Variants in NCAN observed in about 807,000 individuals in gnomAD.
The protein encoded by NCAN is neurocan.
A neutral mutation model predicts 121.8 loss-of-function variants in NCAN; 47 were observed. The observed-to-expected ratio is 0.39, with a 90% CI of 0.31 to 0.49. The LOEUF (loss-of-function observed/expected upper bound fraction) is 0.49. Among genes scored for constraint, NCAN ranks in the 20% least tolerant of loss-of-function variants. The pLI, the probability that NCAN is intolerant of heterozygous loss-of-function variation, is 0.92. For synonymous variants in NCAN, 633 were observed against 702.0 expected (o/e 0.90, Z 1.55); for missense variants, 1,517 against 1,773.4 (o/e 0.86, Z 2.60).
chr19:19,237,969 G>A (rs1252511634), intron 10 of NCAN, among the ~76,000 whole-genome samples: 1 of 152,236 alleles, frequency 6.6e-6, no homozygotes, highest in Non-Finnish European at 1.5e-5. Flanking sequence ...CTTGAGTATG[G>A]GAGGCGGAGG....
At chr19:19,235,123 C>A in intron 10 of NCAN, 27 bp downstream of exon 10, 1 of 1,538,010 alleles carries the variant, frequency 6.5e-7, no homozygotes. Flanking sequence ...ACACCAGAAA[C>A]AGTACCAAGA....
At chr19:19,248,633 A>G (rs1184246277) in intron 13 of NCAN, 67 bp from the exon 14 acceptor site, 48 of 1,506,368 alleles carry the variant, frequency 3.2e-5, no homozygotes, top group Non-Finnish European at 4.3e-5. Context: ...TCAAACAACA[A>G]CAACAACAAC....
intron 13 of NCAN, among the ~76,000 whole-genome samples, chr19:19,248,355 G>T (rs897854129): frequency 3.3e-5 from 5 of 151,930 alleles, no homozygotes; most frequent in Admixed American, 1.3e-4. Context: ...TGAGGCAGGA[G>T]AATCACTTGA....
At chr19:19,241,957 G>GT (rs2060904805) in intron 12 of NCAN, among the ~76,000 whole-genome samples, 1 of 152,070 alleles carries the variant, frequency 6.6e-6, no homozygotes, top group South Asian at 2.1e-4. Flanking sequence ...CACTTTGGAA[G>GT]GCCGAGGCAG....
rs148294163 is a variant in NCAN, at chr19:19,249,961, C to T, written c.*50C>T. 205 of 1,560,388 alleles carry T rather than the reference C, an allele frequency of 1.3e-4. No homozygotes were observed. The African/African-American group carries it at 2.2e-3, about 16-fold the overall frequency. ...CACCTTTCCCATGCCTCCTCTGGAG[C>T]CTTCGCCTGGGGAGACAGAACCCAG... On this transcript the variant is annotated 3_prime_UTR_variant, in exon 15 of 15. Coordinates refer to ENST00000252575, the MANE Select transcript of NCAN (RefSeq NM_004386.3).
chr19:19,213,895 T>G (rs2060785845), intron 1 of NCAN, among the ~76,000 whole-genome samples: 1 of 152,176 alleles, frequency 6.6e-6, no homozygotes, highest in Non-Finnish European at 1.5e-5. Context: ...TAATACACCC[T>G]GACTCTCAGG....
At chr19:19,214,384 G>C (rs1176167838) in intron 1 of NCAN, among the ~76,000 whole-genome samples, 1 of 152,178 alleles carries the variant, frequency 6.6e-6, no homozygotes, top group African/African-American at 2.4e-5. Context: ...CTGGGGAGGA[G>C]GTATTTTAAG....
rs960427202 is a variant in NCAN at position 19,212,520 on chromosome 19, C to T, written c.-8+456C>T. Among the ~76,000 whole-genome samples, 3 of 151,234 alleles carry T rather than the reference C, an allele frequency of 2.0e-5. No individual in the cohort carries two copies. The highest frequency in any genetic ancestry group is 2.0e-4 in the Admixed American group (3 of 15,212). ...TTGCGGTTGAATGGAGGATTCCGGG[C>T]CGGACTGCAGTGGGGAGGGGGCCCC... is the stretch of plus-strand genomic sequence containing the variant. On this transcript the variant is annotated intron_variant, in intron 1 of 14. Coordinates refer to ENST00000252575, the MANE Select transcript of NCAN (RefSeq NM_004386.3). The surrounding 1 kb of genome is among the most constrained non-coding windows in gnomAD (Gnocchi z 4.5).
chr19:19,218,833 A>C, intron 2 of NCAN, 82 bp from the exon 3 acceptor site: 3 of 1,352,880 alleles, frequency 2.2e-6, no homozygotes, highest in Non-Finnish European at 2.9e-6. Flanking sequence ...CCTTTTAAAA[A>C]ATTTTTTAAA....
intron 11 of NCAN, chr19:19,238,721 G>T (rs1168441460): frequency 2.3e-6 from 1 of 429,372 alleles, no homozygotes. Flanking sequence ...TGTCCCCAGG[G>T]AGTGACCATT....
rs557637667 is a variant in NCAN at position 19,243,940 on chromosome 19, T to C, written c.3493-1373T>C. Among the ~76,000 whole-genome samples, 8 of 150,216 alleles carry C rather than the reference T, an allele frequency of 5.3e-5. No homozygotes were observed. In the South Asian group the frequency reaches 1.7e-3, roughly 32 times the overall value. ...ACTCAGGAGGCTGGGGCAGGAGAATTGCTTGAACCGGGACCTGGGAGGCGG... is the reference window on the plus strand; with the variant it reads ...ACTCAGGAGGCTGGGGCAGGAGAATCGCTTGAACCGGGACCTGGGAGGCGG... On this transcript the variant is annotated intron_variant, in intron 12 of 14. Coordinates refer to ENST00000252575, the MANE Select transcript of NCAN (RefSeq NM_004386.3).
rs2146544341 is a variant in NCAN at position 19,228,350 on chromosome 19, A to G, written c.2730A>G (p.Thr910=). 1 of 1,613,954 alleles carries G rather than the reference A, an allele frequency of 6.2e-7. No individual in the cohort carries two copies. The highest frequency in any genetic ancestry group is 1.3e-5 in the African/African-American group (1 of 75,046). Residue 910 remains threonine (T), a synonymous_variant, in exon 8 of 15, where the codon ACA becomes ACG. Coordinates refer to ENST00000252575, the MANE Select transcript of NCAN (RefSeq NM_004386.3). Reference sequence around the variant, plus strand: ...AGGATCAGGTGGAGACCCAGGGAACATCAGGAGCTTCAGTGCCTCCGCATC... The same window carrying G: ...AGGATCAGGTGGAGACCCAGGGAACGTCAGGAGCTTCAGTGCCTCCGCATC... The part of the protein sequence containing the change: ...EPEDQVETQG[T]SGASVPPHQS...
At chr19:19,236,246 C>T (rs1050964410) in intron 10 of NCAN, among the ~76,000 whole-genome samples, 12 of 152,212 alleles carry the variant, frequency 7.9e-5, no homozygotes, top group African/African-American at 2.9e-4. Context: ...CTGTTCTAGA[C>T]ATTTCATATG....
rs748131095 is a variant in NCAN, at chr19:19,228,251, G to T, written c.2631G>T (p.Glu877Asp). ...TTGTGACGCCCCTCACGACCCTGGA[G>T]CAGGGGGACAAGGTTGGAGTTCCAG... is the stretch of plus-strand genomic sequence containing the variant. ...TSIVTPLTTLEQGDKVGVPAM... is the reference protein window; with the variant it reads ...TSIVTPLTTLDQGDKVGVPAM... Residue 877 changes from glutamate (E) to aspartate (D), a missense_variant, in exon 8 of 15, where the codon GAG becomes GAT. Physicochemically the swap from Glu to Asp is conservative, Grantham distance 45. Transcript: ENST00000252575. The T allele has an allele frequency of 1.7e-5, 28 of 1,613,862 alleles. No homozygotes were observed. The Admixed American group carries it at 4.5e-4, about 26-fold the overall frequency.
At chr19:19,246,719 T>C (rs1426463757) in intron 13 of NCAN, among the ~76,000 whole-genome samples, 1 of 150,760 alleles carries the variant, frequency 6.6e-6, no homozygotes, top group Non-Finnish European at 1.5e-5. Flanking sequence ...TTTTTGTATT[T>C]TTAGTGGAGA....
At chr19:19,229,268 G>T (rs2060849700) in intron 8 of NCAN, among the ~76,000 whole-genome samples, 1 of 152,172 alleles carries the variant, frequency 6.6e-6, no homozygotes, top group Non-Finnish European at 1.5e-5. Context: ...CTGATTTGGG[G>T]ATGAGTTCAG....
At chr19:19,219,939 A>G (rs1207669154) in intron 3 of NCAN, among the ~76,000 whole-genome samples, 2 of 151,326 alleles carry the variant, frequency 1.3e-5, no homozygotes, top group African/African-American at 4.9e-5. Flanking sequence ...AGGCAGGAGA[A>G]CTGCTTGAAC....
chr19:19,238,736 G>A (rs2060891118), intron 11 of NCAN: 1 of 406,426 alleles, frequency 2.5e-6, no homozygotes, highest in Non-Finnish European at 4.7e-6. Flanking sequence ...ACCATTTCTT[G>A]GGGAGGATAT....
chr19:19,242,768 C>A (rs1283186052), intron 12 of NCAN, among the ~76,000 whole-genome samples: 1 of 152,124 alleles, frequency 6.6e-6, no homozygotes, highest in African/African-American at 2.4e-5. Flanking sequence ...TGGGAACATC[C>A]AAAATACCCA....
Sources: gnomAD v4.1 joint callset for allele counts (sites outside exome capture counted in the v4.1 genomes callset) on GRCh38, gnomAD v4.1.1 for gene constraint, Gnocchi (gnomAD v3.1) non-coding constraint, MANE v1.5 for transcripts, NCBI Gene and HGNC (gene_info 2026-07-23, HGNC 2026-07-21) for gene names.